The following OPCML variants were observed in gnomAD, a reference collection of about 807,000 sequenced individuals.
OPCML encodes opioid binding protein/cell adhesion molecule like.
In OPCML, 13 loss-of-function variants were observed where a neutral mutation model predicts 37.8. The ratio of observed to expected loss-of-function variants is 0.34; its 90% confidence interval spans 0.22 to 0.55. OPCML has a LOEUF of 0.55. Ranked by LOEUF, OPCML falls within the 20% of genes least tolerant of loss-of-function variation. OPCML has a pLI of 0.91. For synonymous variants in OPCML, 176 were observed against 168.8 expected (o/e 1.04, Z -0.33); for missense variants, 341 against 435.6 (o/e 0.78, Z 1.93).
rs991720189 is a variant in OPCML at position 133,158,764 on chromosome 11, T to TA, written c.62-215755dup. 6.6e-4 allele frequency among the ~76,000 whole-genome samples: 81 copies of TA among 122,338 alleles called. 1 individual carries two copies. The highest frequency in any genetic ancestry group is 2.3e-3 in the African/African-American group (70 of 30,590). The allele number at this position is 122,338 out of a possible 152,430, so 80.3% of individuals were successfully genotyped here. ...AAATAAAATAAAATAAAATGAAAAT[T>TA]AAAAAAAATTTCTAGGAGGTATGAA... On this transcript the variant is annotated intron_variant, in intron 1 of 7. Transcript: ENST00000524381.
intron 1 of OPCML, among the ~76,000 whole-genome samples, chr11:133,305,501 A>C (rs1942893580): frequency 1.3e-5 from 2 of 152,218 alleles, no homozygotes; most frequent in South Asian, 4.1e-4. Flanking sequence ...TTGCACATGG[A>C]TATGTAGTTA....
rs188431056 is a variant in OPCML, at chr11:132,707,233, G to A, written c.147-49914C>T. 4.2e-3 allele frequency among the ~76,000 whole-genome samples: 644 copies of A among 152,262 alleles called. 3 individuals are homozygous for A. The highest frequency in any genetic ancestry group is 0.015 in the African/African-American group (609 of 41,548). On this transcript the variant is annotated intron_variant, in intron 2 of 7. Transcript: ENST00000524381. ...AGAGAAGTTAGGCAGAGCAATATACGGAACTGTATCAGTGAGCTTCAGAGC... is the reference window on the plus strand; with the variant it reads ...AGAGAAGTTAGGCAGAGCAATATACAGAACTGTATCAGTGAGCTTCAGAGC...
chr11:133,286,447 C>T (rs992596999), intron 1 of OPCML, among the ~76,000 whole-genome samples: 3 of 105,896 alleles, frequency 2.8e-5, no homozygotes, highest in African/African-American at 8.6e-5. Context: ...TCCAGCCTGG[C>T]GACAGAGCGA....
intron 1 of OPCML, among the ~76,000 whole-genome samples, chr11:133,466,484 C>T (rs1003950733): frequency 1.3e-5 from 2 of 152,076 alleles, no homozygotes; most frequent in African/African-American, 4.8e-5. Context: ...CCAGTGGAAG[C>T]ACAGGTTCAG....
intron 1 of OPCML, among the ~76,000 whole-genome samples, chr11:133,378,771 C>T (rs1051563807): frequency 6.6e-6 from 1 of 150,728 alleles, no homozygotes; most frequent in Non-Finnish European, 1.5e-5. Context: ...CTCACTCTGT[C>T]ACCTAGGCTG....
chr11:132,851,538 G>A (rs1476172369), intron 2 of OPCML, among the ~76,000 whole-genome samples: 2 of 152,040 alleles, frequency 1.3e-5, no homozygotes, highest in South Asian at 4.2e-4. Flanking sequence ...CAAGAAAAGG[G>A]TTCACTTTTA....
chr11:132,752,115 C>T (rs1159097508), intron 2 of OPCML, among the ~76,000 whole-genome samples: 2 of 152,132 alleles, frequency 1.3e-5, no homozygotes, highest in African/African-American at 2.4e-5. Flanking sequence ...CCCACAGACA[C>T]AAAAGCAGGC....
intron 1 of OPCML, among the ~76,000 whole-genome samples, chr11:133,201,447 G>C (rs1055471192): frequency 6.6e-6 from 1 of 152,014 alleles, no homozygotes; most frequent in Non-Finnish European, 1.5e-5. Context: ...ATGGTCAAAC[G>C]TTTTGATGAA....
intron 1 of OPCML, among the ~76,000 whole-genome samples, chr11:133,476,728 G>A (rs1231558908): frequency 2.0e-5 from 3 of 152,142 alleles, no homozygotes; most frequent in Non-Finnish European, 2.9e-5. Flanking sequence ...CAGGAGTGTC[G>A]AGGAGAACGG....
intron 1 of OPCML, among the ~76,000 whole-genome samples, chr11:133,081,220 C>T (rs1948711547): frequency 6.6e-6 from 1 of 152,120 alleles, no homozygotes; most frequent in South Asian, 2.1e-4. Flanking sequence ...GGACTTGGTG[C>T]TTCCATCTGG....
At chr11:133,469,703 T>C (rs915989810) in intron 1 of OPCML, among the ~76,000 whole-genome samples, 2 of 152,192 alleles carry the variant, frequency 1.3e-5, no homozygotes, top group African/African-American at 4.8e-5. Context: ...CAATTGGCTT[T>C]CTAAGCCTGC....
chr11:133,271,696 T>A (rs1334508986), intron 1 of OPCML, among the ~76,000 whole-genome samples: 1 of 152,198 alleles, frequency 6.6e-6, no homozygotes, highest in Non-Finnish European at 1.5e-5. Flanking sequence ...CTATGCAATA[T>A]CACCAGTCTA....
chr11:132,484,353 C>G (rs1262364401), intron 4 of OPCML, among the ~76,000 whole-genome samples: 1 of 152,178 alleles, frequency 6.6e-6, no homozygotes, highest in South Asian at 2.1e-4. Flanking sequence ...AAATGCAAAT[C>G]AAAACCACAA....
chr11:133,193,047 C>A (rs1029082091), intron 1 of OPCML, among the ~76,000 whole-genome samples: 6 of 151,894 alleles, frequency 4.0e-5, no homozygotes, highest in Non-Finnish European at 7.4e-5. Flanking sequence ...AAAGACTTTG[C>A]CTCCCTGACC....
intron 2 of OPCML, among the ~76,000 whole-genome samples, chr11:132,721,950 C>CTTTTTTTTTTTTTTT (rs34325848): frequency 2.4e-5 from 2 of 82,782 alleles, no homozygotes; most frequent in South Asian, 5.3e-4. Context: ...CTTTCCTTCC[C>CTTTTTTTTTTTTTTT]TTTTTTTTTT....
chr11:132,604,022 C>T (rs1419145627), intron 3 of OPCML, among the ~76,000 whole-genome samples: 1 of 152,120 alleles, frequency 6.6e-6, no homozygotes, highest in Non-Finnish European at 1.5e-5. Context: ...CAGGTCAGGG[C>T]CTTTATCTCC....
intron 1 of OPCML, among the ~76,000 whole-genome samples, chr11:133,111,854 A>G (rs907325121): frequency 2.6e-5 from 4 of 152,132 alleles, no homozygotes; most frequent in African/African-American, 4.8e-5. Context: ...CCTTTGATTG[A>G]CACCTGTTAA....
chr11:132,656,623 A>G (rs1442835384), intron 3 of OPCML, among the ~76,000 whole-genome samples: 1 of 152,172 alleles, frequency 6.6e-6, no homozygotes, highest in Non-Finnish European at 1.5e-5. Flanking sequence ...ACCTGCCTAA[A>G]CAGCACTCAG....
intron 2 of OPCML, among the ~76,000 whole-genome samples, chr11:132,762,561 T>C (rs762511160): frequency 6.6e-6 from 1 of 152,180 alleles, no homozygotes; most frequent in Admixed American, 6.5e-5. Flanking sequence ...TTTGCCACAT[T>C]GCAGTGGGTT....
Sources: gnomAD v4.1 joint callset for allele counts (sites outside exome capture counted in the v4.1 genomes callset) on GRCh38, gnomAD v4.1.1 for gene constraint, MANE v1.5 for transcripts, NCBI Gene and HGNC (gene_info 2026-07-23, HGNC 2026-07-21) for gene names.